The following CRACR2A variants were observed in gnomAD, a reference collection of about 807,000 sequenced individuals.
CRACR2A encodes calcium release activated channel regulator 2A.
A neutral mutation model predicts 90.5 loss-of-function variants in CRACR2A; 79 were observed. That is an observed-to-expected ratio of 0.87 (90% CI 0.73 to 1.05). The LOEUF (loss-of-function observed/expected upper bound fraction) is 1.05. CRACR2A is among the 50% of genes least tolerant of loss of function. The pLI is 0.00. For synonymous variants in CRACR2A, 338 were observed against 356.7 expected, an observed-to-expected ratio of 0.95 and a Z score of 0.59; for missense variants, 823 against 897.2, an observed-to-expected ratio of 0.92 and a Z score of 1.06.
chr12:3,621,906 C>T (rs1944150637), intron 17 of CRACR2A, among the ~76,000 whole-genome samples: 1 of 151,758 alleles, frequency 6.6e-6, no homozygotes, highest in Non-Finnish European at 1.5e-5. Flanking sequence ...ATGAGAATAC[C>T]CATAAGACCA....
chr12:3,685,322 G>A (rs752238105), intron 4 of CRACR2A, among the ~76,000 whole-genome samples: 70 of 152,228 alleles, frequency 4.6e-4, no homozygotes, highest in Middle Eastern at 6.8e-3. Context: ...AAATGGTATG[G>A]TGTCTCCTCA....
intron 17 of CRACR2A, among the ~76,000 whole-genome samples, chr12:3,624,545 A>G (rs920658449): frequency 4.6e-5 from 7 of 152,194 alleles, no homozygotes; most frequent in African/African-American, 1.4e-4. Flanking sequence ...ACACTCTGCC[A>G]TTTGACACAG....
intron 1 of CRACR2A, among the ~76,000 whole-genome samples, chr12:3,744,337 T>C (rs1389420089): frequency 1.3e-5 from 2 of 152,236 alleles, no homozygotes; most frequent in Non-Finnish European, 2.9e-5. Flanking sequence ...TAATGGAACA[T>C]GGTTCACATA....
intron 11 of CRACR2A, among the ~76,000 whole-genome samples, chr12:3,647,108 C>T (rs966168569): frequency 1.3e-5 from 2 of 152,188 alleles, no homozygotes; most frequent in Admixed American, 6.5e-5. Flanking sequence ...CTTCGGATGG[C>T]AGCCCTTCTC....
intron 10 of CRACR2A, among the ~76,000 whole-genome samples, chr12:3,652,181 G>C (rs1206121363): frequency 1.3e-5 from 2 of 151,272 alleles, no homozygotes; most frequent in African/African-American, 4.9e-5. Flanking sequence ...CTCATGCTGT[G>C]ATGTGATGCT....
intron 15 of CRACR2A, among the ~76,000 whole-genome samples, chr12:3,628,694 T>A (rs1304525887): frequency 1.3e-5 from 2 of 151,934 alleles, no homozygotes; most frequent in Non-Finnish European, 2.9e-5. Flanking sequence ...CGAAAGTACA[T>A]CCCCCCACCA....
rs1944282775 is a variant in CRACR2A at position 3,627,288 on chromosome 12, G to T, written c.1932+148C>A. On this transcript the variant is annotated intron_variant, in intron 17 of 19. Transcript: ENST00000440314. ...GGTACTGGGAACCCAGACGAACAGA[G>T]GAACACATGCCTGCATCAGTTTGTT... The T allele has an allele frequency of 9.3e-6, 6 of 643,180 alleles. No homozygotes were observed. In the South Asian group the frequency reaches 1.2e-4, roughly 13 times the overall value. The allele number at this position is 643,180 out of a possible 1,614,324, so 39.8% of individuals were successfully genotyped here.
At chr12:3,721,079 C>T (rs1033169160) in intron 2 of CRACR2A, among the ~76,000 whole-genome samples, 3 of 152,188 alleles carry the variant, frequency 2.0e-5, no homozygotes, top group African/African-American at 4.8e-5. Flanking sequence ...ATGAGAATGC[C>T]TGAGTTTTAA....
Position 3,746,355 on chromosome 12 carries a change from C to T in CRACR2A, c.-387+6660G>A, listed in dbSNP as rs1241188908. Among the ~76,000 whole-genome samples the T allele has an allele frequency of 1.3e-5, 2 of 148,766 alleles. No individual in the cohort carries two copies. Among genetic ancestry groups the T allele is most frequent in the Non-Finnish European group, 3.0e-5 (2 of 66,474 alleles). On this transcript the variant is annotated intron_variant, in intron 1 of 19. Transcript: ENST00000440314. This position sits in a 1 kb window ranked among gnomAD's most constrained non-coding sequence, Gnocchi z 4.4. ...CATCATGAAGAGACACCAGAGAGCT[C>T]TCTCTCTCTCTCTCTCTCCCCATCT...
intron 1 of CRACR2A, among the ~76,000 whole-genome samples, chr12:3,751,609 A>G (rs1420774001): frequency 6.6e-6 from 1 of 152,178 alleles, no homozygotes; most frequent in African/African-American, 2.4e-5. Context: ...GGCTTTGCTC[A>G]GCCGTCCTTC....
chr12:3,720,416 GAAGA>G (rs554793478), intron 2 of CRACR2A, among the ~76,000 whole-genome samples: 1,763 of 106,660 alleles, frequency 0.017, 26 homozygotes, highest in African/African-American at 0.023. Context: ...TGAGAGAGAG[GAAGA>G]AAGAAAGAAA....
intron 14 of CRACR2A, among the ~76,000 whole-genome samples, chr12:3,634,668 G>T (rs142282961): frequency 3.3e-5 from 5 of 152,298 alleles, no homozygotes; most frequent in African/African-American, 4.8e-5. Flanking sequence ...AGGCTCTTTT[G>T]AATCTATTTA....
chr12:3,656,179 G>A (rs1018104341), intron 9 of CRACR2A, 132 bp downstream of exon 9: 2 of 753,558 alleles, frequency 2.7e-6, no homozygotes, highest in Non-Finnish European at 4.4e-6. Flanking sequence ...GCTATCTTTT[G>A]CGCGACTAAA....
chr12:3,616,927 C>A, intron 19 of CRACR2A, 27 bp downstream of exon 19: 1 of 1,529,336 alleles, frequency 6.5e-7, no homozygotes. Flanking sequence ...ACAGCAGTTA[C>A]TGCACCTGGG....
At chr12:3,741,225 G>T (rs1038258602) in intron 1 of CRACR2A, among the ~76,000 whole-genome samples, 2 of 152,100 alleles carry the variant, frequency 1.3e-5, no homozygotes, top group African/African-American at 4.8e-5. Flanking sequence ...ATTTCTGAGG[G>T]TCCCAGTCAG....
chr12:3,634,357 C>A (rs141360162), intron 14 of CRACR2A, among the ~76,000 whole-genome samples: 49 of 152,318 alleles, frequency 3.2e-4, no homozygotes, highest in Non-Finnish European at 6.3e-4. Flanking sequence ...CCTTGGGTAA[C>A]TGAGGCACGA....
intron 7 of CRACR2A, among the ~76,000 whole-genome samples, chr12:3,662,902 A>G (rs563886033): frequency 1.6e-4 from 24 of 152,384 alleles, no homozygotes; most frequent in Admixed American, 1.3e-3. Context: ...TTTGCTTATC[A>G]TATACATCCT....
chr12:3,697,133 C>T, intron 3 of CRACR2A, 98 bp from the exon 4 acceptor site: 1 of 1,377,742 alleles, frequency 7.3e-7, no homozygotes, highest in Admixed American at 2.7e-5. Context: ...GAGCCATACA[C>T]CAGTGTGTCC....
intron 4 of CRACR2A, among the ~76,000 whole-genome samples, chr12:3,683,726 G>A (rs1165621936): frequency 6.6e-6 from 1 of 152,212 alleles, no homozygotes; most frequent in East Asian, 1.9e-4. Flanking sequence ...GACCTCATTC[G>A]TTAGGCACTG....
Sources: gnomAD v4.1 joint callset for allele counts (sites outside exome capture counted in the v4.1 genomes callset) on GRCh38, gnomAD v4.1.1 for gene constraint, Gnocchi (gnomAD v3.1) non-coding constraint, MANE v1.5 for transcripts, NCBI Gene and HGNC (gene_info 2026-07-23, HGNC 2026-07-21) for gene names.